ESR2: variants seen among roughly 807,000 people sequenced by gnomAD.
ESR2 encodes estrogen receptor beta.
ESR2 carries 36 observed loss-of-function variants against 49.6 expected under a neutral mutation model. That is an observed-to-expected ratio of 0.73 (90% confidence interval 0.56 to 0.96). ESR2 has a LOEUF of 0.96. ESR2 is among the 40% of genes least tolerant of loss of function. The pLI is 0.00. For synonymous variants in ESR2, 320 were observed against 266.1 expected, an observed-to-expected ratio of 1.20 and a Z score of -1.97; for missense variants, 714 against 693.0, an observed-to-expected ratio of 1.03 and a Z score of -0.34.
intron 1 of ESR2, chr14:64,337,572 A>G (rs2077547155): frequency 6.6e-6 from 1 of 152,226 alleles, no homozygotes; most frequent in South Asian, 2.1e-4. Context: ...CGATTCCTTA[A>G]TTCTATTATG....
At chr14:64,316,176 A>AT (rs1183017539) in intron 1 of ESR2, among the ~76,000 whole-genome samples, 2,339 of 140,604 alleles carry the variant, frequency 0.017, 21 homozygotes, top group Admixed American at 0.021. Context: ...TGCCCAGCTA[A>AT]TTTTTTTTTT....
chr14:64,240,431 C>G (rs2075696282), intron 7 of ESR2, among the ~76,000 whole-genome samples: 2 of 152,232 alleles, frequency 1.3e-5, no homozygotes, highest in Non-Finnish European at 2.9e-5. Context: ...GGGCCTCCAC[C>G]CTGTGATTTG....
chr14:64,277,663 A>C (rs914971399), intron 3 of ESR2, among the ~76,000 whole-genome samples: 1 of 151,368 alleles, frequency 6.6e-6, no homozygotes, highest in Non-Finnish European at 1.5e-5. Context: ...ACATGCAAGG[A>C]ATTTCTCAAT....
chr14:64,285,654 A>C (rs959678913), intron 1 of ESR2, among the ~76,000 whole-genome samples: 2 of 151,844 alleles, frequency 1.3e-5, no homozygotes, highest in Non-Finnish European at 2.9e-5. Context: ...ATGGTGAAAC[A>C]CCATCTTCAC....
At chr14:64,262,821 G>C (rs2076249838) in intron 4 of ESR2, among the ~76,000 whole-genome samples, 1 of 152,148 alleles carries the variant, frequency 6.6e-6, no homozygotes, top group Non-Finnish European at 1.5e-5. Flanking sequence ...TGAGGCAGGA[G>C]AATCACTTGA....
intron 3 of ESR2, among the ~76,000 whole-genome samples, chr14:64,271,123 C>T (rs1214047370): frequency 2.0e-5 from 3 of 149,862 alleles, no homozygotes; most frequent in African/African-American, 7.4e-5. Context: ...TTTTTTTTTC[C>T]GAGACAGGGT....
At chr14:64,227,842 A>G (rs369176105), downstream of ESR2, 67 of 1,588,718 alleles carry the variant, frequency 4.2e-5, no homozygotes, top group Admixed American at 3.5e-5. Flanking sequence ...TCGTCTGCAA[A>G]TCTTTCATTG....
intron 1 of ESR2, among the ~76,000 whole-genome samples, chr14:64,333,505 T>C (rs2077488590): frequency 6.6e-6 from 1 of 152,194 alleles, no homozygotes. Context: ...TAGTCCATTT[T>C]CACACTGCTG....
intron 7 of ESR2, among the ~76,000 whole-genome samples, chr14:64,248,134 C>T (rs1221735425): frequency 1.3e-5 from 2 of 152,044 alleles, no homozygotes; most frequent in Non-Finnish European, 2.9e-5. Context: ...GTCGGAACTG[C>T]AGTAAACCAT....
chr14:64,264,547 C>T (rs575254000), intron 4 of ESR2, among the ~76,000 whole-genome samples: 8 of 152,138 alleles, frequency 5.3e-5, no homozygotes, highest in East Asian at 1.9e-4. Context: ...CATGCCATGG[C>T]GGTTTGCTGC....
upstream of ESR2, among the ~76,000 whole-genome samples, chr14:64,297,947 G>A (rs373155481): frequency 3.3e-5 from 5 of 152,260 alleles, no homozygotes; most frequent in South Asian, 1.0e-3. Context: ...TGTTTTAAGA[G>A]AATCTGAGAG....
chr14:64,242,427 CA>C lies in ESR2; in HGVS notation c.1225+7118del, dbSNP rs1567735068. On this transcript the variant is annotated intron_variant, in intron 7 of 8. Transcript: ENST00000341099. ...TCTCAAAAAAAAAAAACAAAAAAAACAAAACAAACAAACAAACAAAAAAAAT... is the reference window on the plus strand; with the variant it reads ...TCTCAAAAAAAAAAAACAAAAAAAACAAACAAACAAACAAACAAAAAAAAT... Among the ~76,000 whole-genome samples the C allele has an allele frequency of 6.1e-3, 650 of 107,294 alleles. 5 individuals are homozygous for C. The highest frequency in any genetic ancestry group is 0.035 in the African/African-American group (611 of 17,224). The allele number at this position is 107,294 out of a possible 152,430, so 70.4% of individuals were successfully genotyped here. A position where few individuals can be genotyped will look rare whatever the true frequency, so the allele number is the denominator to read the frequency against.
intron 1 of ESR2, among the ~76,000 whole-genome samples, chr14:64,318,259 G>A (rs762456571): frequency 4.6e-5 from 7 of 151,924 alleles, no homozygotes; most frequent in Non-Finnish European, 1.0e-4. Context: ...AGTATCGGCC[G>A]GGTGCGGTGG....
At chr14:64,290,787 G>A (rs1284622179) in intron 1 of ESR2, among the ~76,000 whole-genome samples, 1 of 152,172 alleles carries the variant, frequency 6.6e-6, no homozygotes, top group African/African-American at 2.4e-5. Flanking sequence ...AAAATCACCA[G>A]AGAACTCATC....
intron 1 of ESR2, among the ~76,000 whole-genome samples, chr14:64,308,961 G>T (rs1025943512): frequency 3.3e-5 from 5 of 150,230 alleles, no homozygotes; most frequent in Non-Finnish European, 7.4e-5. Context: ...TTCTTTCTTT[G>T]TTAAAAAGAA....
chr14:64,260,840 C>T, intron 4 of ESR2, 92 bp from the exon 5 acceptor site: 2 of 1,217,324 alleles, frequency 1.6e-6, no homozygotes, highest in East Asian at 2.8e-5. Context: ...GCCTGTGGGG[C>T]ACGTACCAAA....
At chr14:64,249,815 A>C (rs1416637052) in intron 6 of ESR2, 136 bp from the exon 7 acceptor site, 6 of 882,258 alleles carry the variant, frequency 6.8e-6, no homozygotes, top group Non-Finnish European at 1.0e-5. Context: ...TAACTACAAC[A>C]GGGTGTTAAT....
At chr14:64,241,981 T>C (rs1034024426) in intron 7 of ESR2, among the ~76,000 whole-genome samples, 1 of 152,220 alleles carries the variant, frequency 6.6e-6, no homozygotes, top group Non-Finnish European at 1.5e-5. Flanking sequence ...CTGATTGTGA[T>C]TAAGTATAAT....
At chr14:64,291,128 A>T (rs912627713) in intron 1 of ESR2, among the ~76,000 whole-genome samples, 2 of 152,212 alleles carry the variant, frequency 1.3e-5, no homozygotes, top group African/African-American at 4.8e-5. Flanking sequence ...ATTCCGAGTG[A>T]AGGGATTCAA....
Sources: allele counts gnomAD v4.1 joint callset (sites outside exome capture counted in the v4.1 genomes callset), GRCh38; gene constraint gnomAD v4.1.1; transcripts MANE v1.5; gene names NCBI Gene and HGNC (gene_info 2026-07-23, HGNC 2026-07-21).